The following CHN2 variants were observed in gnomAD, a reference collection of about 807,000 sequenced individuals.
The protein encoded by CHN2 is chimerin 2.
Under a neutral mutation model 56.3 loss-of-function variants are expected in CHN2, and 35 were observed. The observed-to-expected ratio is 0.62, with a 90% CI of 0.47 to 0.82. The LOEUF (loss-of-function observed/expected upper bound fraction) is 0.82. Ranked by LOEUF, CHN2 falls within the 40% of genes least tolerant of loss-of-function variation. The pLI is 0.00. For synonymous variants in CHN2, 210 were observed against 212.8 expected, an observed-to-expected ratio of 0.99 and a Z score of 0.12; for missense variants, 491 against 580.5, an observed-to-expected ratio of 0.85 and a Z score of 1.58.
chr7:29,390,943 A>T (rs1174097441), intron 3 of CHN2, among the ~76,000 whole-genome samples: 1 of 152,192 alleles, frequency 6.6e-6, no homozygotes, highest in African/African-American at 2.4e-5. Flanking sequence ...GCACCATTTA[A>T]CTTAAACATT....
intron 6 of CHN2, among the ~76,000 whole-genome samples, chr7:29,449,081 A>G (rs1784224522): frequency 6.6e-6 from 1 of 152,250 alleles, no homozygotes; most frequent in Non-Finnish European, 1.5e-5. Context: ...ATACTGCAAG[A>G]GAGACTTGAT....
At chr7:29,430,815 G>T (rs201475746) in intron 6 of CHN2, among the ~76,000 whole-genome samples, 2 of 147,376 alleles carry the variant, frequency 1.4e-5, no homozygotes, top group African/African-American at 2.5e-5. Flanking sequence ...AAAAAAAGGG[G>T]ACTTCTCCAC....
At chr7:29,294,249 T>C (rs908149296) in intron 1 of CHN2, among the ~76,000 whole-genome samples, 1 of 152,150 alleles carries the variant, frequency 6.6e-6, no homozygotes, top group Non-Finnish European at 1.5e-5. Context: ...GGGTGCATAA[T>C]AAATATTAGT....
At chr7:29,438,199 C>A (rs1195620801) in intron 6 of CHN2, among the ~76,000 whole-genome samples, 1 of 152,224 alleles carries the variant, frequency 6.6e-6, no homozygotes, top group Non-Finnish European at 1.5e-5. Flanking sequence ...GGGCATACCC[C>A]ACACCAGCCT....
intron 9 of CHN2, among the ~76,000 whole-genome samples, chr7:29,503,203 C>CT (rs2128583353): frequency 6.6e-6 from 1 of 152,218 alleles, no homozygotes; most frequent in South Asian, 2.1e-4. Context: ...AACATTATGA[C>CT]TAATATCCTT....
chr7:29,296,145 G>A (rs1027542121), intron 1 of CHN2, among the ~76,000 whole-genome samples: 6 of 150,468 alleles, frequency 4.0e-5, no homozygotes, highest in Non-Finnish European at 7.4e-5. Context: ...GTGCAGTGGC[G>A]TGATCTCTGC....
chr7:29,170,007 A>G (rs1310175232), intron 2 of CHN2, among the ~76,000 whole-genome samples: 1 of 151,872 alleles, frequency 6.6e-6, no homozygotes, highest in Non-Finnish European at 1.5e-5. Flanking sequence ...CTCCTAAAGC[A>G]CTGGAGTTAC....
intron 1 of CHN2, among the ~76,000 whole-genome samples, chr7:29,323,773 G>A (rs1487245774): frequency 2.6e-5 from 4 of 151,954 alleles, no homozygotes; most frequent in Non-Finnish European, 5.9e-5. Flanking sequence ...CGAGGCGGGC[G>A]GATCACGAGG....
chr7:29,498,434 G>A (rs745514109), intron 8 of CHN2, among the ~76,000 whole-genome samples: 1 of 152,144 alleles, frequency 6.6e-6, no homozygotes, highest in African/African-American at 2.4e-5. Context: ...TGTTGATAAA[G>A]ATTAATTAGA....
Position 29,252,741 on chromosome 7 carries a change from G to A in CHN2, c.49+57751G>A, listed in dbSNP as rs549738364. ...CTCCCGAGTAGCTGGGACTACAGGC[G>A]CCCGCCACCGCGCCCGGCTAATTTT... On this transcript the variant is annotated intron_variant, in intron 1 of 12. Transcript: ENST00000222792. Among the ~76,000 whole-genome samples, 6 of 127,776 alleles carry A rather than the reference G, an allele frequency of 4.7e-5. No homozygotes were observed. In the South Asian group the frequency reaches 9.4e-4, roughly 20 times the overall value. The allele number at this position is 127,776 out of a possible 152,430, so 83.8% of individuals were successfully genotyped here.
chr7:29,351,040 G>T (rs1292122753), intron 1 of CHN2, among the ~76,000 whole-genome samples: 1 of 145,828 alleles, frequency 6.9e-6, no homozygotes, highest in African/African-American at 2.5e-5. Context: ...CCTGGGAGGC[G>T]GAGGTTGCGA....
intron 6 of CHN2, among the ~76,000 whole-genome samples, chr7:29,461,699 G>A (rs1015829130): frequency 1.3e-5 from 2 of 152,118 alleles, no homozygotes; most frequent in Non-Finnish European, 2.9e-5. Context: ...GAGAACAGAG[G>A]TTAGGTATTA....
intron 3 of CHN2, among the ~76,000 whole-genome samples, chr7:29,385,227 C>T (rs1225945844): frequency 6.6e-6 from 1 of 152,048 alleles, no homozygotes; most frequent in East Asian, 1.9e-4. Flanking sequence ...CCTTTTACTC[C>T]ATTTTACTTA....
At chr7:29,242,277 C>T (rs1370563929) in intron 1 of CHN2, among the ~76,000 whole-genome samples, 1 of 152,198 alleles carries the variant, frequency 6.6e-6, no homozygotes, top group Non-Finnish European at 1.5e-5. Context: ...TAGCAAACCT[C>T]CAGCAACCAG....
intron 6 of CHN2, among the ~76,000 whole-genome samples, chr7:29,426,537 C>A (rs960639228): frequency 6.6e-6 from 1 of 152,170 alleles, no homozygotes; most frequent in African/African-American, 2.4e-5. Context: ...CAAAGTCATT[C>A]TTGCTTAAAA....
At chr7:29,374,236 C>G (rs1276479910) in intron 3 of CHN2, among the ~76,000 whole-genome samples, 1 of 152,080 alleles carries the variant, frequency 6.6e-6, no homozygotes, top group Non-Finnish European at 1.5e-5. Flanking sequence ...CTGATGCTGT[C>G]AGGCCTTTTT....
At chr7:29,193,546 C>T (rs558680585), upstream of CHN2, 6 of 152,316 alleles carry the variant, frequency 3.9e-5, no homozygotes, top group Non-Finnish European at 8.8e-5. Context: ...AATTTCTCTT[C>T]AAATTTCACA....
intron 3 of CHN2, among the ~76,000 whole-genome samples, chr7:29,373,131 T>C (rs1003700336): frequency 6.6e-6 from 1 of 152,210 alleles, no homozygotes; most frequent in Non-Finnish European, 1.5e-5. Context: ...ATCAGCTTTT[T>C]TCTTGATGGT....
At position 29,337,058 on chromosome 7, in the gene CHN2, G is replaced by C. The variant is rs1025807329; in HGVS notation, c.50-17567G>C. ...CTCCCCTCTGCTTGCTTCCCCTCTA[G>C]GATTGGGTGCTGCTTCAGGGAAAGG... is the stretch of plus-strand genomic sequence containing the variant. On this transcript the variant is annotated intron_variant, in intron 1 of 12. Transcript: ENST00000222792. Among the ~76,000 whole-genome samples the C allele has an allele frequency of 7.2e-5, 11 of 152,204 alleles. 1 individual carries two copies. In the East Asian group the frequency reaches 1.7e-3, roughly 24 times the overall value.
Sources: gnomAD v4.1 joint callset for allele counts (sites outside exome capture counted in the v4.1 genomes callset) on GRCh38, gnomAD v4.1.1 for gene constraint, MANE v1.5 for transcripts, NCBI Gene and HGNC (gene_info 2026-07-23, HGNC 2026-07-21) for gene names.